The following AP1G1 variants were observed in gnomAD, a reference collection of about 807,000 sequenced individuals.
AP1G1 encodes AP-1 complex subunit gamma-1.
In AP1G1, 7 loss-of-function variants were observed where a neutral mutation model predicts 108.3. The ratio of observed to expected loss-of-function variants is 0.06; its 90% confidence interval spans 0.04 to 0.12. The LOEUF is 0.12. Among genes scored for constraint, AP1G1 ranks in the 10% least tolerant of loss-of-function variants. The pLI is 1.00. For missense variants in AP1G1, 756 were observed against 1,010.7 expected (o/e 0.75, Z 3.42); for synonymous variants, 379 against 353.5 (o/e 1.07, Z -0.81).
chr16:71,806,826 C>A (rs2033013008), intron 1 of AP1G1: 1 of 587,494 alleles, frequency 1.7e-6, no homozygotes, highest in Non-Finnish European at 2.6e-6. Flanking sequence ...GCTTAAATAA[C>A]AAGATCACTG....
At chr16:71,797,043 T>C (rs2032612459) in intron 1 of AP1G1, among the ~76,000 whole-genome samples, 1 of 150,778 alleles carries the variant, frequency 6.6e-6, no homozygotes, top group African/African-American at 2.4e-5. Context: ...TATGTATGTA[T>C]ATGTATATAA....
chr16:71,754,227 A>G (rs1376327819), intron 12 of AP1G1, among the ~76,000 whole-genome samples: 1 of 151,732 alleles, frequency 6.6e-6, no homozygotes, highest in African/African-American at 2.4e-5. Context: ...AGAAGAAAGA[A>G]AAGAAAGGGA....
rs140732017 is a variant in AP1G1 at position 71,753,870 on chromosome 16, C to T, written c.1247G>A (p.Arg416Gln). Reference sequence around the variant, plus strand: ...ACGCATAATTGTGTCTATATGCCATCGTTTGGAAGGTGCATACCTGAAAAA... The same window carrying T: ...ACGCATAATTGTGTCTATATGCCATTGTTTGGAAGGTGCATACCTGAAAAA... Reference protein sequence around the residue: ...LAAEKYAPSKRWHIDTIMRVL... With the variant: ...LAAEKYAPSKQWHIDTIMRVL... The change falls in exon 13 of 23, where the codon CGA (arginine) becomes CAA (glutamine). Residue 416 changes from arginine (R) to glutamine (Q), a missense_variant. Around this residue, in one of 3 missense-constraint regions of AP1G1, gnomAD observed 357 missense variants for 366.5 expected, o/e 0.97. Coordinates refer to ENST00000299980, the MANE Select transcript of AP1G1 (RefSeq NM_001128.6). The T allele has an allele frequency of 1.2e-6, 2 of 1,613,858 alleles. No homozygotes were observed. The highest frequency in any genetic ancestry group is 1.3e-5 in the African/African-American group (1 of 74,884).
chr16:71,769,724 C>T, intron 5 of AP1G1, 25 bp from the exon 6 acceptor site: 2 of 1,590,336 alleles, frequency 1.3e-6, no homozygotes, highest in South Asian at 1.1e-5. Context: ...CAAAGGAAAA[C>T]TAAAAATGAG....
chr16:71,751,242 G>C (rs1272387412), intron 13 of AP1G1: 1 of 151,770 alleles, frequency 6.6e-6, no homozygotes, highest in East Asian at 1.9e-4. Flanking sequence ...GCAGCACTTT[G>C]GATGGCTGAA....
In AP1G1 at chr16:71,756,045, T is replaced by C. The variant is rs763078882; in HGVS notation, c.1203A>G (p.Ala401=). 6.2e-6 allele frequency: 10 copies of C among 1,612,476 alleles called. No individual in the cohort carries two copies. The Admixed American group carries it at 1.7e-4, about 27-fold the overall frequency. ...TTTCTGCAGCAAGAAAGATTCCAGA[T>C]GCACAGTCTGCTTTAAATTCTGGCT... ...SCEPEFKADC[A]SGIFLAAEKY... is the part of the protein sequence containing the mutation. Residue 401 remains alanine, a synonymous_variant, in exon 12 of 23, where the codon GCA becomes GCG. Coordinates refer to ENST00000299980, the MANE Select transcript of AP1G1 (RefSeq NM_001128.6).
chr16:71,787,019 C>T (rs541349769), intron 2 of AP1G1, among the ~76,000 whole-genome samples: 3 of 150,784 alleles, frequency 2.0e-5, no homozygotes, highest in African/African-American at 7.3e-5. Context: ...AGTGAGATCC[C>T]GTCTCAAAAA....
intron 9 of AP1G1, among the ~76,000 whole-genome samples, chr16:71,763,945 G>C (rs1203422755): frequency 6.6e-6 from 1 of 152,114 alleles, no homozygotes; most frequent in African/African-American, 2.4e-5. Context: ...ATCCTCTGGT[G>C]GATACTAAAA....
intron 19 of AP1G1, 117 bp downstream of exon 19, chr16:71,745,027 T>G: frequency 9.1e-7 from 1 of 1,102,674 alleles, no homozygotes; most frequent in Non-Finnish European, 1.3e-6. Context: ...CTCTTGCTTC[T>G]GATTTAGCCT....
chr16:71,780,497 TAAAAAA>T (rs537929533), intron 2 of AP1G1, among the ~76,000 whole-genome samples: 3 of 129,766 alleles, frequency 2.3e-5, no homozygotes, highest in African/African-American at 5.7e-5. Context: ...TCTCTTAATT[TAAAAAA>T]AAAAAAAAAA....
intron 1 of AP1G1, among the ~76,000 whole-genome samples, chr16:71,794,874 T>C (rs1365891187): frequency 2.4e-5 from 3 of 125,400 alleles, no homozygotes; most frequent in Non-Finnish European, 5.2e-5. Context: ...TACTTTGAAA[T>C]GCCTATTTTT....
At chr16:71,798,077 A>G (rs545655573) in intron 1 of AP1G1, among the ~76,000 whole-genome samples, 1 of 152,372 alleles carries the variant, frequency 6.6e-6, no homozygotes, top group South Asian at 2.1e-4. Context: ...TACGAAATCT[A>G]TAAAATATTT....
chr16:71,766,401 T>G (rs559049761), intron 6 of AP1G1: 1 of 468,296 alleles, frequency 2.1e-6, no homozygotes, highest in South Asian at 1.6e-5. Context: ...AAGGCAATTT[T>G]ACTGCCAAGC....
intron 6 of AP1G1, chr16:71,768,016 C>A: frequency 6.4e-6 from 6 of 932,230 alleles, no homozygotes; most frequent in Admixed American, 4.6e-5. Flanking sequence ...GAAAAAAAGC[C>A]AAAAAAGAAC....
Position 71,761,816 on chromosome 16 carries a change from CAAAAAAAAAAAAA to C in AP1G1, c.919-262_919-250del, listed in dbSNP as rs375647068. 1.3e-3 allele frequency among the ~76,000 whole-genome samples: 58 copies of C among 44,854 alleles called. 1 individual carries two copies. In the South Asian group the frequency reaches 0.013, roughly 10 times the overall value. 29.4% of individuals were successfully genotyped at this position (44,854 alleles called of 152,430 possible). A position where few individuals can be genotyped will look rare whatever the true frequency, so the allele number is the denominator to read the frequency against. ...GGAGCAACAGAGCAAGACTCCATCT[CAAAAAAAAAAAAA>C]AAAAAAAAAAGGAAAAAATCTAAAG... On this transcript the variant is annotated intron_variant, in intron 9 of 22. Transcript: ENST00000299980.
At position 71,745,611 on chromosome 16, in the gene AP1G1, A is replaced by G; in HGVS notation, c.1734T>C (p.Ser578=). The change falls in exon 18 of 23, where the codon TCT becomes TCC. Residue 578 remains serine, a synonymous_variant. Transcript: ENST00000299980. ...TGACAGGCATTCTCTCAAGTAGGGC[A>G]GACCTAGAAGAATCTGAAGTGGTTA... is the stretch of plus-strand genomic sequence containing the variant. The part of the protein sequence containing the change: ...ALFKKYDHMR[S]ALLERMPVME... 2.5e-6 allele frequency: 4 copies of G among 1,614,010 alleles called. No individual in the cohort carries two copies. The highest frequency in any genetic ancestry group is 3.4e-6 in the Non-Finnish European group (4 of 1,179,838).
chr16:71,750,563 T>A (rs539637825), intron 13 of AP1G1: 6 of 409,902 alleles, frequency 1.5e-5, no homozygotes, highest in Non-Finnish European at 2.7e-5. Context: ...TACAGGTACA[T>A]GCCACCACAC....
chr16:71,739,386 C>G, intron 19 of AP1G1, 45 bp from the exon 20 acceptor site: 2 of 1,419,890 alleles, frequency 1.4e-6, no homozygotes, highest in Non-Finnish European at 1.9e-6. Context: ...GGCAGCATGA[C>G]AAAGCTTACC....
chr16:71,761,675 A>T (rs142639197), intron 9 of AP1G1, 108 bp from the exon 10 acceptor site: 2 of 258,580 alleles, frequency 7.7e-6, no homozygotes, highest in Non-Finnish European at 1.4e-5. Context: ...GACTGCTAGC[A>T]AAAAAAAAAA....
Sources: gnomAD v4.1 joint callset for allele counts (sites outside exome capture counted in the v4.1 genomes callset) on GRCh38, gnomAD v4.1.1 for gene constraint, gnomAD v4.1.1 regional missense constraint, MANE v1.5 for transcripts, NCBI Gene and HGNC (gene_info 2026-07-23, HGNC 2026-07-21) for gene names.